The following GLYR1 variants were observed in gnomAD, a reference collection of about 807,000 sequenced individuals.
The protein encoded by GLYR1 is glyoxylate reductase 1 homolog, also known as cytokine-like nuclear factor N-PAC.
A neutral mutation model predicts 72.7 loss-of-function variants in GLYR1; 21 were observed. The observed-to-expected ratio is 0.29, with a 90% CI of 0.20 to 0.42. The LOEUF is 0.42. GLYR1 is among the 10% of genes least tolerant of loss of function. The probability of loss-of-function intolerance (pLI) is 1.00; values close to 1 mark genes in which losing one functional copy is unlikely to be tolerated. For missense variants in GLYR1, 594 were observed against 712.1 expected (o/e 0.83, Z 1.89); for synonymous variants, 392 against 270.2 (o/e 1.45, Z -4.42).
intron 9 of GLYR1, among the ~76,000 whole-genome samples, chr16:4,821,009 C>G (rs1470060920): frequency 6.6e-6 from 1 of 152,274 alleles, no homozygotes; most frequent in Non-Finnish European, 1.5e-5. Flanking sequence ...TGACCAGCAG[C>G]AGCAGTATAC....
chr16:4,830,309 C>T (rs1423094076), intron 5 of GLYR1, among the ~76,000 whole-genome samples: 1 of 151,126 alleles, frequency 6.6e-6, no homozygotes, highest in African/African-American at 2.4e-5. Context: ...ATCTTCCTGC[C>T]TCAGCCTCCC....
At chr16:4,805,412 T>G in intron 15 of GLYR1, 102 bp from the exon 16 acceptor site, 1 of 961,784 alleles carries the variant, frequency 1.0e-6, no homozygotes. Context: ...CAGGCAGTGC[T>G]GGAGCCCAGG....
intron 10 of GLYR1, among the ~76,000 whole-genome samples, chr16:4,815,197 C>G (rs931742227): frequency 9.2e-5 from 14 of 151,992 alleles, no homozygotes; most frequent in Non-Finnish European, 1.5e-5. Flanking sequence ...CCTCAACCTC[C>G]TGGACTCAAG....
chr16:4,805,298 C>T lies in GLYR1; in HGVS notation c.1600G>A (p.Ala534Thr). Residue 534 changes from alanine (A) to threonine (T), a missense_variant, in exon 16 of 16, where the codon GCC becomes ACC. Ala to Thr is a moderately conservative substitution (Grantham distance 58). Around this residue, in one of 5 missense-constraint regions of GLYR1, gnomAD observed 10 missense variants for 38.0 expected, o/e 0.26. Coordinates refer to ENST00000321919, the MANE Select transcript of GLYR1 (RefSeq NM_032569.4). ...TTGTCAGACTGGTCCAGCGCCTTGG[C>T]TCTTTTGTACACCTGGAAAAAAAAG... The part of the protein sequence containing the change: ...AAAANEVYKR[A>T]KALDQSDNDM... The T allele has an allele frequency of 6.2e-7, 1 of 1,613,842 alleles. No individual in the cohort carries two copies. The highest frequency in any genetic ancestry group is 8.5e-7 in the Non-Finnish European group (1 of 1,179,934).
intron 5 of GLYR1, among the ~76,000 whole-genome samples, chr16:4,824,215 T>C (rs769019811): frequency 6.6e-6 from 1 of 152,044 alleles, no homozygotes; most frequent in Non-Finnish European, 1.5e-5. Flanking sequence ...ATACCAAACA[T>C]TAAGAAACAG....
chr16:4,821,934 C>T (rs1038166963), intron 7 of GLYR1, among the ~76,000 whole-genome samples: 4 of 152,258 alleles, frequency 2.6e-5, no homozygotes, highest in Non-Finnish European at 4.4e-5. Context: ...GAGGACCTCC[C>T]TCTGCATCCG....
intron 12 of GLYR1, among the ~76,000 whole-genome samples, chr16:4,812,525 C>T (rs913381614): frequency 4.6e-5 from 7 of 151,222 alleles, no homozygotes; most frequent in African/African-American, 9.7e-5. Context: ...GGTGGAGTCT[C>T]GCTGTCGCCC....
At chr16:4,836,113 T>C (rs572029453) in intron 3 of GLYR1, among the ~76,000 whole-genome samples, 2 of 152,280 alleles carry the variant, frequency 1.3e-5, no homozygotes, top group African/African-American at 2.4e-5. Context: ...TCTGTCTTTT[T>C]AATGAGAATA....
rs138924905 is a variant in GLYR1 at position 4,826,238 on chromosome 16, A to C, written c.538-2331T>G. On this transcript the variant is annotated intron_variant, in intron 5 of 15. Transcript: ENST00000321919. ...AATTTTTTATTTTTATTTTTTGTAG[A>C]TGTATTATTTATTTGCAATTATTTG... Among the ~76,000 whole-genome samples the C allele has an allele frequency of 2.0e-5, 3 of 152,070 alleles. No individual in the cohort carries two copies. In the East Asian group the frequency reaches 5.8e-4, roughly 29 times the overall value.
intron 3 of GLYR1, chr16:4,843,694 A>G (rs1327302342): frequency 8.2e-7 from 1 of 1,220,854 alleles, no homozygotes; most frequent in African/African-American, 1.6e-5. Context: ...CTAAGTAGAA[A>G]TACTTTAACC....
At chr16:4,838,911 GGGTCCTGCTCTGT>G (rs1181718746) in intron 3 of GLYR1, among the ~76,000 whole-genome samples, 2 of 152,052 alleles carry the variant, frequency 1.3e-5, no homozygotes, top group Non-Finnish European at 2.9e-5. Context: ...TTAAAAGACA[GGGTCCTGCTCTGT>G]CACCCAGGCT....
intron 9 of GLYR1, among the ~76,000 whole-genome samples, chr16:4,819,540 G>A (rs2083879011): frequency 6.6e-6 from 1 of 152,080 alleles, no homozygotes; most frequent in Non-Finnish European, 1.5e-5. Context: ...TGAACTCCTG[G>A]CCTCAAGGGA....
rs186382781 is a variant in GLYR1, at chr16:4,829,415, C to T, written c.537+2564G>A. Among the ~76,000 whole-genome samples, 603 of 151,960 alleles carry T rather than the reference C, an allele frequency of 4.0e-3. 4 individuals are homozygous for T. The highest frequency in any genetic ancestry group is 0.014 in the African/African-American group (573 of 41,438). ...TGACCTCCTGGGCTCAAGTGATCCTCCCACCCCAGCTTCCCAAGTAGGTGG... is the reference window on the plus strand; with the variant it reads ...TGACCTCCTGGGCTCAAGTGATCCTTCCACCCCAGCTTCCCAAGTAGGTGG... On this transcript the variant is annotated intron_variant, in intron 5 of 15. Coordinates refer to ENST00000321919, the MANE Select transcript of GLYR1 (RefSeq NM_032569.4).
At chr16:4,839,482 C>T (rs2085389381) in intron 3 of GLYR1, 1 of 152,220 alleles carries the variant, frequency 6.6e-6, no homozygotes, top group Admixed American at 6.5e-5. Context: ...CCCTCGTGCA[C>T]TTGACACATA....
chr16:4,832,645 C>A, intron 4 of GLYR1, 129 bp downstream of exon 4: 2 of 1,121,280 alleles, frequency 1.8e-6, no homozygotes, highest in South Asian at 1.7e-5. Flanking sequence ...CACCTTAGAA[C>A]TGAAGTAGCT....
Position 4,821,368 on chromosome 16 carries a change from C to T in GLYR1, c.806+12G>A. The T allele has an allele frequency of 6.2e-7, 1 of 1,612,468 alleles. No individual in the cohort carries two copies. Among genetic ancestry groups the T allele is most frequent in the African/African-American group, 1.3e-5 (1 of 75,030 alleles). On this transcript the variant is annotated intron_variant, in intron 9 of 15. Coordinates refer to ENST00000321919, the MANE Select transcript of GLYR1 (RefSeq NM_032569.4). ...CCAGAGCCACTGGAGGCCTTTTCATCAAAGGTCCTACTTTTTGTCTGTGGG... is the reference window on the plus strand; with the variant it reads ...CCAGAGCCACTGGAGGCCTTTTCATTAAAGGTCCTACTTTTTGTCTGTGGG...
chr16:4,826,533 G>C (rs948361757), intron 5 of GLYR1, among the ~76,000 whole-genome samples: 4 of 152,230 alleles, frequency 2.6e-5, no homozygotes, highest in African/African-American at 9.7e-5. Flanking sequence ...CTTACTGAAG[G>C]AGCCTCGTCT....
chr16:4,827,592 C>A (rs56919624), intron 5 of GLYR1, among the ~76,000 whole-genome samples: 57,153 of 149,480 alleles, frequency 0.38, 11,033 homozygotes, highest in South Asian at 0.48. Flanking sequence ...CTTAAAAAAA[C>A]AAACAAACAA....
At chr16:4,807,187 C>A (rs2083042801) in intron 15 of GLYR1, among the ~76,000 whole-genome samples, 1 of 149,402 alleles carries the variant, frequency 6.7e-6, no homozygotes, top group African/African-American at 2.5e-5. Context: ...TCTCGGCTCA[C>A]TGCAACCTCC....
Sources: allele counts gnomAD v4.1 joint callset (sites outside exome capture counted in the v4.1 genomes callset), GRCh38; gene constraint gnomAD v4.1.1; regional missense constraint gnomAD v4.1.1; transcripts MANE v1.5; gene names NCBI Gene and HGNC (gene_info 2026-07-23, HGNC 2026-07-21).